Variants in SDK1 observed in about 807,000 individuals in gnomAD.
SDK1 encodes sidekick cell adhesion molecule 1, also known as protein sidekick-1.
SDK1 carries 157 observed loss-of-function variants against 245.5 expected under a neutral mutation model. That is an observed-to-expected ratio of 0.64 (90% CI 0.56 to 0.73). The LOEUF (loss-of-function observed/expected upper bound fraction) is 0.73, where lower values mean the gene tolerates loss of function less well. Ranked by LOEUF, SDK1 falls within the 30% of genes least tolerant of loss-of-function variation. SDK1 has a pLI of 0.00. For synonymous variants in SDK1, 1,647 were observed against 1,278.5 expected (o/e 1.29, Z -6.15); for missense variants, 3,583 against 3,002.3 (o/e 1.19, Z -4.52).
chr7:3,884,878 G>T (rs1441159520), intron 5 of SDK1, among the ~76,000 whole-genome samples: 1 of 152,208 alleles, frequency 6.6e-6, no homozygotes, highest in Non-Finnish European at 1.5e-5. Flanking sequence ...CTACAGAGTG[G>T]GCCTGGGCTT....
At chr7:3,788,394 C>T (rs940339369) in intron 4 of SDK1, among the ~76,000 whole-genome samples, 3 of 152,090 alleles carry the variant, frequency 2.0e-5, no homozygotes, top group Non-Finnish European at 2.9e-5. Context: ...TCTGCCAGGC[C>T]GGAGAGTCTG....
chr7:4,247,219 G>A (rs752250815), intron 44 of SDK1, among the ~76,000 whole-genome samples: 1 of 152,106 alleles, frequency 6.6e-6, no homozygotes, highest in Admixed American at 6.5e-5. Context: ...GGGCTCTATC[G>A]AATGGCTTCT....
chr7:3,514,096 A>C (rs1183925514), intron 1 of SDK1, among the ~76,000 whole-genome samples: 1 of 152,116 alleles, frequency 6.6e-6, no homozygotes, highest in African/African-American at 2.4e-5. Flanking sequence ...CATATTTCAG[A>C]AGTAAGGAAA....
chr7:3,340,544 C>G (rs1160548807), intron 1 of SDK1, among the ~76,000 whole-genome samples: 1 of 152,110 alleles, frequency 6.6e-6, no homozygotes, highest in Non-Finnish European at 1.5e-5. Context: ...GGGTGGCTCA[C>G]GAGCTCAGGA....
intron 1 of SDK1, among the ~76,000 whole-genome samples, chr7:3,328,576 C>G (rs1227803604): frequency 6.6e-6 from 1 of 151,984 alleles, no homozygotes; most frequent in Non-Finnish European, 1.5e-5. Flanking sequence ...ATAAAAGTCT[C>G]CTTCCCCTAA....
At chr7:3,317,829 G>A (rs942869715) in intron 1 of SDK1, among the ~76,000 whole-genome samples, 1 of 152,182 alleles carries the variant, frequency 6.6e-6, no homozygotes, top group African/African-American at 2.4e-5. Flanking sequence ...TGGTAAACTA[G>A]GAGCCTAAGG....
chr7:3,333,067 T>C (rs544202693), intron 1 of SDK1, among the ~76,000 whole-genome samples: 2 of 152,240 alleles, frequency 1.3e-5, no homozygotes, highest in African/African-American at 4.8e-5. Context: ...ACTTGGGGCA[T>C]TGTGTTTGAC....
intron 1 of SDK1, among the ~76,000 whole-genome samples, chr7:3,406,734 C>T (rs68165343): frequency 6.6e-6 from 1 of 151,926 alleles, no homozygotes; most frequent in Non-Finnish European, 1.5e-5. Context: ...TTTTTGAATG[C>T]TGGAGAAAGC....
chr7:3,397,481 C>T (rs1379676844), intron 1 of SDK1, among the ~76,000 whole-genome samples: 2 of 75,318 alleles, frequency 2.7e-5, no homozygotes, highest in East Asian at 4.3e-4. Flanking sequence ...TCTTTTCTTT[C>T]CCCCCCCCAG....
chr7:4,209,127 G>A (rs1784388350), intron 37 of SDK1, among the ~76,000 whole-genome samples: 2 of 152,220 alleles, frequency 1.3e-5, no homozygotes, highest in African/African-American at 4.8e-5. Flanking sequence ...CCACAACCAG[G>A]TTGCAAGGAC....
At chr7:3,980,589 T>C (rs1783325100) in intron 13 of SDK1, among the ~76,000 whole-genome samples, 1 of 152,274 alleles carries the variant, frequency 6.6e-6, no homozygotes. Context: ...TTATCTGTTA[T>C]TGATGGGTTA....
At chr7:3,817,294 G>GC (rs1779532417) in intron 4 of SDK1, among the ~76,000 whole-genome samples, 1 of 152,146 alleles carries the variant, frequency 6.6e-6, no homozygotes, top group African/African-American at 2.4e-5. Flanking sequence ...TTGTTAAAGT[G>GC]CCCCCTGTTA....
chr7:3,755,311 G>C lies in SDK1; in HGVS notation c.714-66139G>C, dbSNP rs982718384. 2.6e-5 allele frequency among the ~76,000 whole-genome samples: 4 copies of C among 152,114 alleles called. No individual in the cohort carries two copies. The South Asian group carries it at 8.3e-4, about 32-fold the overall frequency. ...AGGGTTGGGGAGCGAAAATAGGGAC[G>C]ACTCAGTCACTGGCCAAGTGCTGAC... is the stretch of plus-strand genomic sequence containing the variant. On this transcript the variant is annotated intron_variant, in intron 4 of 44. Transcript: ENST00000404826.
At chr7:3,381,382 AAG>A (rs1289795494) in intron 1 of SDK1, among the ~76,000 whole-genome samples, 1 of 152,018 alleles carries the variant, frequency 6.6e-6, no homozygotes, top group Non-Finnish European at 1.5e-5. Flanking sequence ...GACTTAGAGA[AAG>A]AGCACCCGCA....
intron 16 of SDK1, among the ~76,000 whole-genome samples, chr7:4,014,895 G>A (rs898861812): frequency 1.1e-4 from 16 of 152,136 alleles, no homozygotes; most frequent in African/African-American, 3.6e-4. Context: ...ATGGGCCAAC[G>A]TGACTGTTCC....
intron 1 of SDK1, among the ~76,000 whole-genome samples, chr7:3,332,860 T>C (rs1303594314): frequency 6.6e-6 from 1 of 152,240 alleles, no homozygotes; most frequent in Non-Finnish European, 1.5e-5. Flanking sequence ...AATTTTATTA[T>C]CAGTGCCTAA....
At chr7:4,129,255 G>T (rs1336977819) in intron 26 of SDK1, among the ~76,000 whole-genome samples, 4 of 147,612 alleles carry the variant, frequency 2.7e-5, no homozygotes, top group Admixed American at 1.3e-4. Context: ...GGGTGCCCTG[G>T]AGGAGAGCAA....
chr7:3,593,529 C>T (rs1467081635), intron 1 of SDK1, among the ~76,000 whole-genome samples: 1 of 152,210 alleles, frequency 6.6e-6, no homozygotes, highest in Non-Finnish European at 1.5e-5. Context: ...GACAGCTTCT[C>T]AAGATGTTTG....
chr7:3,887,881 TGACGTAA>T (rs1264065494), intron 5 of SDK1, among the ~76,000 whole-genome samples: 10 of 152,218 alleles, frequency 6.6e-5, no homozygotes, highest in Admixed American at 6.5e-4. Flanking sequence ...CCTTAGCAAC[TGACGTAA>T]GATTTGCTGG....
Sources: gnomAD v4.1 joint callset for allele counts (sites outside exome capture counted in the v4.1 genomes callset) on GRCh38, gnomAD v4.1.1 for gene constraint, MANE v1.5 for transcripts, NCBI Gene and HGNC (gene_info 2026-07-23, HGNC 2026-07-21) for gene names.